The following ANKRD17 variants were observed in gnomAD, a reference collection of about 807,000 sequenced individuals.
ANKRD17 encodes the protein ankyrin repeat domain-containing protein 17.
Under a neutral mutation model 229.7 loss-of-function variants are expected in ANKRD17, and 19 were observed. The ratio of observed to expected loss-of-function variants is 0.08; its 90% confidence interval spans 0.06 to 0.12. The LOEUF is 0.12. ANKRD17 is among the 10% of genes least tolerant of loss of function. ANKRD17 has a pLI of 1.00. For missense variants in ANKRD17, 2,176 were observed against 3,176.8 expected (o/e 0.68, Z 7.57); for synonymous variants, 1,112 against 1,146.1 (o/e 0.97, Z 0.60).
At chr4:73,254,491 C>T (rs188466360) in intron 1 of ANKRD17, among the ~76,000 whole-genome samples, 46 of 152,144 alleles carry the variant, frequency 3.0e-4, no homozygotes, top group Admixed American at 2.4e-3. Flanking sequence ...GATTGCAGTG[C>T]GCAGTGTGGC....
chr4:73,093,590 T>C (rs1191981905), intron 28 of ANKRD17, among the ~76,000 whole-genome samples: 2 of 152,064 alleles, frequency 1.3e-5, no homozygotes, highest in Non-Finnish European at 2.9e-5. Context: ...TTGAGGCTGG[T>C]CTCGAACTCC....
At position 73,135,129 on chromosome 4, in the gene ANKRD17, A is replaced by G; in HGVS notation, c.3222T>C (p.Asp1074=). 6.2e-7 allele frequency: 1 copy of G among 1,613,410 alleles called. No individual in the cohort carries two copies. Among genetic ancestry groups the G allele is most frequent in the Non-Finnish European group, 8.5e-7 (1 of 1,179,570 alleles). ...GTTTGGGACTTACCTGTGCATCAAT[A>G]TCAATGGCAGGGTAGATAGGAAGCA... is the stretch of plus-strand genomic sequence containing the variant. ...SAMLPIYPAI[D]IDAQTESNHD... The change falls in exon 16 of 34, where the codon GAT becomes GAC. Residue 1074 remains aspartate, a synonymous_variant. Transcript: ENST00000358602.
At chr4:73,174,909 C>T (rs1273411664) in intron 2 of ANKRD17, among the ~76,000 whole-genome samples, 1 of 151,956 alleles carries the variant, frequency 6.6e-6, no homozygotes, top group Non-Finnish European at 1.5e-5. Context: ...AACACTGTTG[C>T]AAAAAATTGA....
At chr4:73,121,191 T>C in intron 19 of ANKRD17, 97 bp from the exon 20 acceptor site, 2 of 1,092,988 alleles carry the variant, frequency 1.8e-6, no homozygotes, top group Non-Finnish European at 2.7e-6. Flanking sequence ...AAGATTATTT[T>C]GAAGGATTGT....
In ANKRD17 at chr4:73,118,684, A is replaced by G; in HGVS notation, c.4188+4T>C. 1 of 1,613,944 alleles carries G rather than the reference A, an allele frequency of 6.2e-7. No individual in the cohort carries two copies. Among genetic ancestry groups the G allele is most frequent in the Non-Finnish European group, 8.5e-7 (1 of 1,179,930 alleles). On this transcript the variant is annotated splice_donor_region_variant and intron_variant, in intron 22 of 33. Coordinates refer to ENST00000358602, the MANE Select transcript of ANKRD17 (RefSeq NM_032217.5). Reference sequence around the variant, plus strand: ...CCAGGTAAATGAGGATGAAAGACTTATACCTTTCTAAATGCTGCCATAAGA... The same window carrying G: ...CCAGGTAAATGAGGATGAAAGACTTGTACCTTTCTAAATGCTGCCATAAGA...
rs565869990 is a variant in ANKRD17 at position 73,089,355 on chromosome 4, T to A, written c.6961+1312A>T. Among the ~76,000 whole-genome samples the A allele has an allele frequency of 5.5e-4, 83 of 151,490 alleles. 1 individual carries two copies. The South Asian group carries it at 0.016, about 29-fold the overall frequency. ...CAAGCCTATTCTTAAAAAAAAAAAT[T>A]TTTTTTTAAACATTTAAGAAATGTA... On this transcript the variant is annotated intron_variant, in intron 29 of 33. Transcript: ENST00000358602.
intron 1 of ANKRD17, among the ~76,000 whole-genome samples, chr4:73,185,648 G>A (rs1426244945): frequency 1.3e-5 from 2 of 151,752 alleles, no homozygotes; most frequent in Non-Finnish European, 2.9e-5. Flanking sequence ...ACATAAAATG[G>A]GTTTACAGAC....
chr4:73,107,479 T>C (rs1185162773), intron 24 of ANKRD17, among the ~76,000 whole-genome samples: 5 of 152,200 alleles, frequency 3.3e-5, no homozygotes, highest in African/African-American at 4.8e-5. Flanking sequence ...ATAGAATGCA[T>C]ACATTATAGT....
At position 73,094,228 on chromosome 4, in the gene ANKRD17, C is replaced by T. The variant is rs763287152; in HGVS notation, c.5178G>A (p.Arg1726=). 15 of 1,612,092 alleles carry T rather than the reference C, an allele frequency of 9.3e-6. No individual in the cohort carries two copies. The Middle Eastern group carries it at 4.9e-4, about 53-fold the overall frequency. ...REEGWKEVVR[R]SKKVSVPSTV... is the part of the protein sequence containing the mutation. Reference sequence around the variant, plus strand: ...TTGATGGAACAGATACTTTCTTTGACCTGTTTAAAAGTTGTATATATAAAT... The same window carrying T: ...TTGATGGAACAGATACTTTCTTTGATCTGTTTAAAAGTTGTATATATAAAT... The change falls in exon 28 of 34, where the codon AGG becomes AGA. Residue 1726 remains arginine, a splice_region_variant and synonymous_variant. Transcript: ENST00000358602.
Position 73,152,942 on chromosome 4 carries a change from A to T in ANKRD17, c.1234+938T>A, listed in dbSNP as rs554124632. On this transcript the variant is annotated intron_variant, in intron 6 of 33. Coordinates refer to ENST00000358602, the MANE Select transcript of ANKRD17 (RefSeq NM_032217.5). ...ATTTTTCAAATTTAAGTTAAATTTT[A>T]GTCAATTAATCCAAATATATAAGGA... Among the ~76,000 whole-genome samples, 22 of 152,350 alleles carry T rather than the reference A, an allele frequency of 1.4e-4. No individual in the cohort carries two copies. The East Asian group carries it at 4.1e-3, about 28-fold the overall frequency.
chr4:73,088,048 T>C (rs1722383908), intron 29 of ANKRD17, among the ~76,000 whole-genome samples: 1 of 152,006 alleles, frequency 6.6e-6, no homozygotes, highest in Non-Finnish European at 1.5e-5. Flanking sequence ...AGAGAATATA[T>C]TAATAAATGT....
chr4:73,121,768 A>G lies in ANKRD17; in HGVS notation c.3493-9T>C. ...AACAATAGCTCCACCACCTGAAAAT[A>G]AAATAGAAAAAAATATGTTTTCTTA... On this transcript the variant is annotated splice_polypyrimidine_tract_variant and intron_variant, in intron 18 of 33. Coordinates refer to ENST00000358602, the MANE Select transcript of ANKRD17 (RefSeq NM_032217.5). 6.4e-7 allele frequency: 1 copy of G among 1,571,108 alleles called. No homozygotes were observed. Among genetic ancestry groups the G allele is most frequent in the Non-Finnish European group, 8.6e-7 (1 of 1,166,244 alleles).
Position 73,141,854 on chromosome 4 carries a change from G to A in ANKRD17, c.2230-11C>T. On this transcript the variant is annotated splice_polypyrimidine_tract_variant and intron_variant, in intron 13 of 33. Transcript: ENST00000358602. The stretch of plus-strand genomic sequence containing the variant: ...TGGTACACGAGGAGCCTAAGACAAA[G>A]GACACTAAGTGACTATTAGTGTCCT... 6.2e-7 allele frequency: 1 copy of A among 1,606,824 alleles called. No homozygotes were observed. Among genetic ancestry groups the A allele is most frequent in the Non-Finnish European group, 8.5e-7 (1 of 1,174,160 alleles).
intron 5 of ANKRD17, among the ~76,000 whole-genome samples, chr4:73,154,600 A>AAATTTCTAAATTTGAATTTGAATTCAAT (rs1731399720): frequency 1.3e-5 from 2 of 152,146 alleles, no homozygotes; most frequent in Non-Finnish European, 2.9e-5. Context: ...GATCAAATTC[A>AAATTTCTAAATTTGAATTTGAATTCAAT]AATTTCTAAA....
At chr4:73,082,790 T>A (rs970537993) in intron 30 of ANKRD17, among the ~76,000 whole-genome samples, 4 of 152,146 alleles carry the variant, frequency 2.6e-5, no homozygotes, top group African/African-American at 9.7e-5. Flanking sequence ...TAAAGAGATA[T>A]GGGAATTAAG....
At chr4:73,099,619 T>G (rs760463690) in intron 25 of ANKRD17, among the ~76,000 whole-genome samples, 1 of 152,180 alleles carries the variant, frequency 6.6e-6, no homozygotes, top group African/African-American at 2.4e-5. Context: ...CATGCCCTAC[T>G]CCACTGCCCT....
At chr4:73,094,372 T>C in intron 27 of ANKRD17, 144 bp from the exon 28 acceptor site, 1 of 738,368 alleles carries the variant, frequency 1.4e-6, no homozygotes, top group Non-Finnish European at 2.1e-6. Context: ...ACTCTTACTC[T>C]AGATGAACAG....
intron 16 of ANKRD17, among the ~76,000 whole-genome samples, chr4:73,127,540 T>C (rs1727635279): frequency 6.6e-6 from 1 of 152,176 alleles, no homozygotes; most frequent in South Asian, 2.1e-4. Context: ...TTATAGTACT[T>C]ATCACCAATC....
At chr4:73,162,265 G>T (rs1158312295) in intron 2 of ANKRD17, among the ~76,000 whole-genome samples, 1 of 152,044 alleles carries the variant, frequency 6.6e-6, no homozygotes, top group African/African-American at 2.4e-5. Context: ...GCCCAGGCTG[G>T]TCTCGAACTC....
Sources: allele counts gnomAD v4.1 joint callset (sites outside exome capture counted in the v4.1 genomes callset), GRCh38; gene constraint gnomAD v4.1.1; transcripts MANE v1.5; gene names NCBI Gene and HGNC (gene_info 2026-07-23, HGNC 2026-07-21).